Variants in DCDC2 observed in about 807,000 individuals in gnomAD.
DCDC2 encodes the protein doublecortin domain-containing protein 2.
In DCDC2, 40 loss-of-function variants were observed where a neutral mutation model predicts 50.2. The ratio of observed to expected loss-of-function variants is 0.80; its 90% confidence interval spans 0.62 to 1.04. DCDC2 has a LOEUF of 1.04. Ranked by LOEUF, DCDC2 falls within the 50% of genes least tolerant of loss-of-function variation. The pLI, the probability that DCDC2 is intolerant of heterozygous loss-of-function variation, is 0.00. For synonymous variants in DCDC2, 234 were observed against 210.6 expected (o/e 1.11, Z -0.96); for missense variants, 570 against 581.9 (o/e 0.98, Z 0.21).
chr6:24,266,377 G>A (rs1025553790), intron 7 of DCDC2, among the ~76,000 whole-genome samples: 1 of 152,026 alleles, frequency 6.6e-6, no homozygotes, highest in African/African-American at 2.4e-5. Flanking sequence ...AAAGTGAAGA[G>A]ACAACCCACA....
chr6:24,375,870 CAGAGAAGGAGGGAGGG>C, the DCDC2 span, among the ~76,000 whole-genome samples: 1 of 151,470 alleles, frequency 6.6e-6, no homozygotes, highest in Non-Finnish European at 1.5e-5. Flanking sequence ...GGAAGGGAGG[CAGAGAAGGAGGGAGGG>C]AGAGAAGGAG....
chr6:24,349,362 T>G (rs1464018149), intron 2 of DCDC2, among the ~76,000 whole-genome samples: 1 of 152,244 alleles, frequency 6.6e-6, no homozygotes, highest in Non-Finnish European at 1.5e-5. Flanking sequence ...TTGCTTACTC[T>G]GCCCACTGCA....
At chr6:24,220,204 G>C (rs979395389) in intron 7 of DCDC2, among the ~76,000 whole-genome samples, 7 of 152,112 alleles carry the variant, frequency 4.6e-5, no homozygotes, top group Non-Finnish European at 1.0e-4. Flanking sequence ...CTTCTAATAA[G>C]AACAAGATGC....
chr6:24,343,574 T>C (rs1202400648), intron 2 of DCDC2, among the ~76,000 whole-genome samples: 2 of 152,208 alleles, frequency 1.3e-5, no homozygotes, highest in Non-Finnish European at 2.9e-5. Flanking sequence ...AATCTAAACA[T>C]TGATTTTCTC....
At chr6:24,254,023 A>G (rs1762845167) in intron 7 of DCDC2, among the ~76,000 whole-genome samples, 1 of 152,150 alleles carries the variant, frequency 6.6e-6, no homozygotes, top group African/African-American at 2.4e-5. Context: ...CTATTCTATA[A>G]GCTTTTTCTA....
intron 7 of DCDC2, among the ~76,000 whole-genome samples, chr6:24,221,487 C>G (rs1296745136): frequency 3.9e-5 from 6 of 152,204 alleles, no homozygotes; most frequent in Non-Finnish European, 8.8e-5. Context: ...CACTTATTCT[C>G]TGTACCCTAA....
intron 8 of DCDC2, among the ~76,000 whole-genome samples, chr6:24,189,386 ACTGAAAGC>A (rs1761268955): frequency 6.6e-6 from 1 of 152,212 alleles, no homozygotes; most frequent in Non-Finnish European, 1.5e-5. Context: ...GCCACAAAAT[ACTGAAAGC>A]ATCAATTACT....
chr6:24,227,944 T>C (rs1299483928), intron 7 of DCDC2, among the ~76,000 whole-genome samples: 1 of 152,220 alleles, frequency 6.6e-6, no homozygotes, highest in Non-Finnish European at 1.5e-5. Flanking sequence ...TGCTGGAAGA[T>C]GGTGATTCTC....
chr6:24,305,286 C>T (rs1289843630), intron 2 of DCDC2, among the ~76,000 whole-genome samples: 9 of 151,928 alleles, frequency 5.9e-5, no homozygotes, highest in African/African-American at 1.9e-4. Flanking sequence ...AAAAGTGTTC[C>T]CCAAATGTTC....
In DCDC2 at chr6:24,179,660, A is replaced by G. The variant is rs200746106; in HGVS notation, c.1024-1028T>C. The stretch of plus-strand genomic sequence containing the variant: ...TTTTGATACACATAAATCTGCTTCA[A>G]GAGGGAACAGGAGGCCAGGCACGGT... On this transcript the variant is annotated intron_variant, in intron 8 of 9. Coordinates refer to ENST00000378454, the MANE Select transcript of DCDC2 (RefSeq NM_016356.5). Among the ~76,000 whole-genome samples the G allele has an allele frequency of 4.6e-5, 7 of 150,994 alleles. 1 individual carries two copies. In the South Asian group the frequency reaches 1.1e-3, roughly 23 times the overall value.
intron 7 of DCDC2, among the ~76,000 whole-genome samples, chr6:24,232,763 C>T (rs1283118884): frequency 2.0e-5 from 3 of 151,954 alleles, no homozygotes; most frequent in Non-Finnish European, 4.4e-5. Flanking sequence ...ACAGTGCCTT[C>T]CAGAAGGTCA....
chr6:24,190,764 G>T (rs797008900), intron 8 of DCDC2, among the ~76,000 whole-genome samples: 9 of 152,286 alleles, frequency 5.9e-5, no homozygotes, highest in African/African-American at 2.2e-4. Flanking sequence ...CCAGCCATGA[G>T]CAATGTTTGT....
chr6:24,236,536 T>A (rs996193758), intron 7 of DCDC2, among the ~76,000 whole-genome samples: 1 of 152,056 alleles, frequency 6.6e-6, no homozygotes, highest in African/African-American at 2.4e-5. Context: ...TAAACAAAAC[T>A]TGACAAGTGG....
At chr6:24,257,038 T>C (rs1237319260) in intron 7 of DCDC2, among the ~76,000 whole-genome samples, 3 of 152,314 alleles carry the variant, frequency 2.0e-5, no homozygotes, top group South Asian at 4.1e-4. Flanking sequence ...TTAAGTCAAA[T>C]AAATGGTCTT....
At chr6:24,210,423 C>T (rs1488576282) in intron 7 of DCDC2, among the ~76,000 whole-genome samples, 1 of 152,160 alleles carries the variant, frequency 6.6e-6, no homozygotes, top group East Asian at 1.9e-4. Flanking sequence ...AACTGCTCAT[C>T]CCCCAGATTC....
Position 24,357,943 on chromosome 6 carries a change from G to C in DCDC2, c.-193C>G, listed in dbSNP as rs948681872. On this transcript the variant is annotated 5_prime_UTR_variant, in exon 1 of 10. Transcript: ENST00000378454. ...CCAGAGGAGACACTAGGAGCTTGCAGGACTCGGAGTAGACGCTCAAGTTTT... is the reference window on the plus strand; with the variant it reads ...CCAGAGGAGACACTAGGAGCTTGCACGACTCGGAGTAGACGCTCAAGTTTT... 2.0e-6 allele frequency: 3 copies of C among 1,508,762 alleles called. No individual in the cohort carries two copies. Among genetic ancestry groups the C allele is most frequent in the African/African-American group, 2.8e-5 (2 of 71,488 alleles). The allele number at this position is 1,508,762 out of a possible 1,614,324, so 93.5% of individuals were successfully genotyped here. A position where few individuals can be genotyped will look rare whatever the true frequency, so the allele number is the denominator to read the frequency against.
intron 7 of DCDC2, among the ~76,000 whole-genome samples, chr6:24,252,416 G>T (rs924570034): frequency 6.6e-6 from 1 of 152,100 alleles, no homozygotes; most frequent in African/African-American, 2.4e-5. Flanking sequence ...AACAAATAAG[G>T]TCTAAAGGAC....
In DCDC2 at chr6:24,208,363, CTTTTTTTTT is replaced by C. The variant is rs34475687; in HGVS notation, c.923-3270_923-3262del. 4.9e-3 allele frequency among the ~76,000 whole-genome samples: 418 copies of C among 84,446 alleles called. 8 individuals carry two copies. The highest frequency in any genetic ancestry group is 0.021 in the African/African-American group (398 of 19,304). The allele number at this position is 84,446 out of a possible 152,430, so 55.4% of individuals were successfully genotyped here. A position where few individuals can be genotyped will look rare whatever the true frequency, so the allele number is the denominator to read the frequency against. Reference sequence around the variant, plus strand: ...ACCAACAGCTCCCTCCTCTGTGCTACTTTTTTTTTTTTTTTTTTTTTTTTTGAGATGGAG... The same window carrying C: ...ACCAACAGCTCCCTCCTCTGTGCTACTTTTTTTTTTTTTTTTGAGATGGAG... On this transcript the variant is annotated intron_variant, in intron 7 of 9. Transcript: ENST00000378454.
intron 8 of DCDC2, among the ~76,000 whole-genome samples, chr6:24,196,599 T>A (rs540274547): frequency 4.6e-5 from 7 of 152,212 alleles, no homozygotes; most frequent in African/African-American, 1.7e-4. Context: ...TTTTTGTATT[T>A]TCAGTAGAGA....
Sources: allele counts gnomAD v4.1 joint callset (sites outside exome capture counted in the v4.1 genomes callset), GRCh38; gene constraint gnomAD v4.1.1; transcripts MANE v1.5; gene names NCBI Gene and HGNC (gene_info 2026-07-23, HGNC 2026-07-21).